The following RFX7 variants were observed in gnomAD, a reference collection of about 807,000 sequenced individuals.
RFX7 encodes the protein regulatory factor X7.
A neutral mutation model predicts 111.8 loss-of-function variants in RFX7; 26 were observed. The ratio of observed to expected loss-of-function variants is 0.23; its 90% CI spans 0.17 to 0.32. The LOEUF (loss-of-function observed/expected upper bound fraction) is 0.32, where lower values mean the gene tolerates loss of function less well. Among genes scored for constraint, RFX7 ranks in the 10% least tolerant of loss-of-function variants. RFX7 has a pLI of 1.00. For synonymous variants in RFX7, 624 were observed against 624.4 expected (o/e 1.00, Z 0.01); for missense variants, 1,573 against 1,772.9 (o/e 0.89, Z 2.02).
chr15:56,215,443 T>G (rs1225521474), intron 2 of RFX7, among the ~76,000 whole-genome samples: 1 of 152,188 alleles, frequency 6.6e-6, no homozygotes, highest in Non-Finnish European at 1.5e-5. Flanking sequence ...CTGCATCAAT[T>G]TAGATAATCA....
At chr15:56,196,122 T>C (rs1567043198) in intron 2 of RFX7, among the ~76,000 whole-genome samples, 1 of 152,204 alleles carries the variant, frequency 6.6e-6, no homozygotes, top group Non-Finnish European at 1.5e-5. Context: ...ATATTTTCTT[T>C]GCTTTTTAAA....
chr15:56,229,256 G>A (rs2043521039), intron 2 of RFX7, among the ~76,000 whole-genome samples: 1 of 152,038 alleles, frequency 6.6e-6, no homozygotes, highest in Non-Finnish European at 1.5e-5. Context: ...TGGCCTAATT[G>A]TTGTTGTTGT....
intron 7 of RFX7, 84 bp downstream of exon 7, chr15:56,102,085 C>A: frequency 5.0e-6 from 5 of 998,114 alleles, no homozygotes; most frequent in Non-Finnish European, 4.5e-6. Flanking sequence ...CTAGGCTTAA[C>A]CAAATGAGAC....
rs1233574138 is a variant in RFX7 at position 56,183,595 on chromosome 15, C to A, written c.162-4292G>T. Among the ~76,000 whole-genome samples the A allele has an allele frequency of 2.0e-5, 3 of 152,132 alleles. No individual in the cohort carries two copies. The East Asian group carries it at 5.8e-4, about 29-fold the overall frequency. On this transcript the variant is annotated intron_variant, in intron 2 of 9. Coordinates refer to ENST00000559447, the MANE Select transcript of RFX7 (RefSeq NM_022841.7). ...CTACTCACCTATCCCTAAGTTAACA[C>A]CACACTTCAAATTTATTACTGTTAT...
chr15:56,159,728 T>G (rs1421601644), intron 3 of RFX7, among the ~76,000 whole-genome samples: 1 of 152,198 alleles, frequency 6.6e-6, no homozygotes, highest in East Asian at 1.9e-4. Context: ...TGTTCCTGTT[T>G]GCTCCGGACA....
chr15:56,103,741 C>T, intron 5 of RFX7, 71 bp from the exon 6 acceptor site: 1 of 858,100 alleles, frequency 1.2e-6, no homozygotes, highest in African/African-American at 1.7e-5. Flanking sequence ...TATTTCAATA[C>T]AATTTGATCC....
intron 3 of RFX7, among the ~76,000 whole-genome samples, chr15:56,165,871 G>A (rs1356356518): frequency 2.0e-5 from 3 of 152,140 alleles, no homozygotes; most frequent in Admixed American, 1.3e-4. Context: ...AAAATACTCA[G>A]CCTCTTTTAT....
Position 56,093,898 on chromosome 15 carries a change from T to C in RFX7, c.3830A>G (p.Tyr1277Cys). The C allele has an allele frequency of 6.2e-7, 1 of 1,613,954 alleles. No individual in the cohort carries two copies. Among genetic ancestry groups the C allele is most frequent in the Non-Finnish European group, 8.5e-7 (1 of 1,179,868 alleles). Reference sequence around the variant, plus strand: ...CTGAGTGAGATTCATCCGGGCTGTATAATTAGAGGGCAGGTTGTTCATTCC... The same window carrying C: ...CTGAGTGAGATTCATCCGGGCTGTACAATTAGAGGGCAGGTTGTTCATTCC... ...GLGMNNLPSN[Y>C]TARMNLTQIL... is the part of the protein sequence containing the mutation. The change falls in exon 10 of 10, where the codon TAT becomes TGT. Residue 1277 changes from tyrosine (Y) to cysteine (C), a missense_variant. Physicochemically the swap from Tyr to Cys is radical, Grantham distance 194. Transcript: ENST00000559447.
chr15:56,237,259 G>A (rs1385390948), intron 2 of RFX7, among the ~76,000 whole-genome samples: 1 of 151,878 alleles, frequency 6.6e-6, no homozygotes, highest in African/African-American at 2.4e-5. Flanking sequence ...TCTTTTCCTG[G>A]TCCCCTAACT....
At chr15:56,214,546 TC>T (rs1219236543) in intron 2 of RFX7, among the ~76,000 whole-genome samples, 1 of 150,984 alleles carries the variant, frequency 6.6e-6, no homozygotes, top group Non-Finnish European at 1.5e-5. Context: ...AAACCCCGCC[TC>T]TACTAAAAAT....
intron 2 of RFX7, 22 bp downstream of exon 2, chr15:56,243,103 G>T (rs1172298497): frequency 2.9e-6 from 4 of 1,356,586 alleles, no homozygotes; most frequent in Non-Finnish European, 3.9e-6. Flanking sequence ...TTTTTCACGC[G>T]AGCGATGGAG....
intron 3 of RFX7, among the ~76,000 whole-genome samples, chr15:56,146,544 G>A (rs1418659128): frequency 6.6e-6 from 1 of 152,056 alleles, no homozygotes; most frequent in Non-Finnish European, 1.5e-5. Context: ...AAAATCTACT[G>A]TTGGAGAAAC....
intron 3 of RFX7, among the ~76,000 whole-genome samples, chr15:56,168,616 AC>A (rs1163470952): frequency 2.0e-4 from 31 of 152,272 alleles, no homozygotes; most frequent in African/African-American, 6.3e-4. Flanking sequence ...GCTAACCACC[AC>A]ATTCTTTTTC....
chr15:56,166,375 A>C (rs1021921693), intron 3 of RFX7, among the ~76,000 whole-genome samples: 1 of 152,194 alleles, frequency 6.6e-6, no homozygotes, highest in African/African-American at 2.4e-5. Context: ...TATTTTTTCT[A>C]ATAACTCCAA....
intron 5 of RFX7, among the ~76,000 whole-genome samples, chr15:56,119,769 T>C (rs1375360665): frequency 6.9e-6 from 1 of 144,472 alleles, no homozygotes; most frequent in Non-Finnish European, 1.5e-5. Context: ...AGAGTGACAC[T>C]GTGTCTCAAA....
intron 2 of RFX7, among the ~76,000 whole-genome samples, chr15:56,187,643 A>T (rs2043055717): frequency 6.6e-6 from 1 of 152,186 alleles, no homozygotes; most frequent in Admixed American, 6.5e-5. Flanking sequence ...CAGAAAGGAA[A>T]GTGCTCCAAA....
chr15:56,117,916 T>C (rs1388916091), intron 5 of RFX7, among the ~76,000 whole-genome samples: 1 of 152,142 alleles, frequency 6.6e-6, no homozygotes, highest in Non-Finnish European at 1.5e-5. Flanking sequence ...TGAATAGTGT[T>C]GCAATAAACC....
At chr15:56,212,388 T>G (rs1233288769) in intron 2 of RFX7, among the ~76,000 whole-genome samples, 3 of 152,152 alleles carry the variant, frequency 2.0e-5, no homozygotes, top group Non-Finnish European at 4.4e-5. Flanking sequence ...CAGAGGACTT[T>G]TAGGGTAGTA....
intron 3 of RFX7, among the ~76,000 whole-genome samples, chr15:56,177,445 G>A (rs1459115732): frequency 1.3e-5 from 2 of 152,134 alleles, no homozygotes; most frequent in African/African-American, 4.8e-5. Flanking sequence ...TGAGAGGAGA[G>A]ATCTTAGTAT....
Sources: allele counts gnomAD v4.1 joint callset (sites outside exome capture counted in the v4.1 genomes callset), GRCh38; gene constraint gnomAD v4.1.1; transcripts MANE v1.5; gene names NCBI Gene and HGNC (gene_info 2026-07-23, HGNC 2026-07-21).